The following CACHD1 variants were observed in gnomAD, a reference collection of about 807,000 sequenced individuals.
The protein encoded by CACHD1 is VWFA and cache domain-containing protein 1.
A neutral mutation model predicts 138.7 loss-of-function variants in CACHD1; 71 were observed. That is an observed-to-expected ratio of 0.51 (90% confidence interval 0.42 to 0.62). CACHD1 has a LOEUF of 0.62. Ranked by LOEUF, CACHD1 falls within the 20% of genes least tolerant of loss-of-function variation. CACHD1 has a pLI of 0.00. For synonymous variants in CACHD1, 578 were observed against 591.5 expected, an observed-to-expected ratio of 0.98 and a Z score of 0.33; for missense variants, 1,389 against 1,625.3, an observed-to-expected ratio of 0.85 and a Z score of 2.50.
intron 4 of CACHD1, among the ~76,000 whole-genome samples, chr1:64,626,003 T>C (rs1648089474): frequency 6.6e-6 from 1 of 152,202 alleles, no homozygotes; most frequent in Non-Finnish European, 1.5e-5. Flanking sequence ...AGTCCCCACA[T>C]AGGCATAACC....
Position 64,476,778 on chromosome 1 carries a change from T to C in CACHD1, c.198+5836T>C, listed in dbSNP as rs577993139. ...CTTATTATGTTTTTCCTGCCAATAG[T>C]ACTTGAGTCTGGAAGGGCTTGGGGG... is the stretch of plus-strand genomic sequence containing the variant. On this transcript the variant is annotated intron_variant, in intron 1 of 26. Transcript: ENST00000651257. Among the ~76,000 whole-genome samples, 89 of 152,322 alleles carry C rather than the reference T, an allele frequency of 5.8e-4. 3 individuals carry two copies. The highest frequency in any genetic ancestry group is 5.8e-3 in the Admixed American group (89 of 15,292).
At position 64,630,806 on chromosome 1, in the gene CACHD1, G is replaced by A. The variant is rs144613746; in HGVS notation, c.644+1325G>A. The stretch of plus-strand genomic sequence containing the variant: ...GCACCTGTGAAGAAAAGTTTAAAAA[G>A]GAAAGTGAAACCTTGTCAAAATCAG... On this transcript the variant is annotated intron_variant, in intron 5 of 26. Coordinates refer to ENST00000651257, the MANE Select transcript of CACHD1 (RefSeq NM_020925.4). 2.2e-3 allele frequency among the ~76,000 whole-genome samples: 334 copies of A among 152,274 alleles called. 2 individuals are homozygous for A. Among genetic ancestry groups the A allele is most frequent in the African/African-American group, 7.5e-3 (312 of 41,548 alleles).
intron 1 of CACHD1, among the ~76,000 whole-genome samples, chr1:64,486,846 A>T (rs1394742032): frequency 6.6e-6 from 1 of 152,200 alleles, no homozygotes; most frequent in African/African-American, 2.4e-5. Context: ...AAACATGTAA[A>T]TGCTAAGTAC....
chr1:64,666,446 T>C (rs1649635584), intron 16 of CACHD1, among the ~76,000 whole-genome samples: 2 of 152,290 alleles, frequency 1.3e-5, no homozygotes, highest in Middle Eastern at 3.4e-3. Flanking sequence ...TGATGATGTT[T>C]ATGAAAAAGA....
At chr1:64,524,575 A>T (rs898630510) in intron 1 of CACHD1, among the ~76,000 whole-genome samples, 40 of 152,320 alleles carry the variant, frequency 2.6e-4, no homozygotes, top group African/African-American at 9.6e-4. Context: ...TTTCAGGTAC[A>T]CTATATTTGC....
intron 10 of CACHD1, among the ~76,000 whole-genome samples, chr1:64,652,620 C>T (rs768155337): frequency 6.6e-6 from 1 of 152,114 alleles, no homozygotes; most frequent in Non-Finnish European, 1.5e-5. Flanking sequence ...AGAAATAATG[C>T]AGCCAACAAG....
At chr1:64,686,904 T>C (rs965136162) in intron 26 of CACHD1, among the ~76,000 whole-genome samples, 16 of 152,328 alleles carry the variant, frequency 1.1e-4, no homozygotes, top group African/African-American at 3.6e-4. Flanking sequence ...AACATTCTCC[T>C]GCAGTTACTC....
At chr1:64,585,805 ATG>A (rs1647046966) in intron 3 of CACHD1, among the ~76,000 whole-genome samples, 1 of 152,172 alleles carries the variant, frequency 6.6e-6, no homozygotes, top group African/African-American at 2.4e-5. Context: ...TTCCAGTGAA[ATG>A]TGTGAAGGAA....
intron 1 of CACHD1, among the ~76,000 whole-genome samples, chr1:64,512,248 G>C (rs1172015509): frequency 3.9e-5 from 6 of 152,022 alleles, no homozygotes; most frequent in Non-Finnish European, 7.4e-5. Flanking sequence ...AGAAAAATTA[G>C]CTGGTCATGG....
chr1:64,534,754 C>G (rs1646618541), intron 1 of CACHD1, among the ~76,000 whole-genome samples: 1 of 152,216 alleles, frequency 6.6e-6, no homozygotes, highest in Non-Finnish European at 1.5e-5. Flanking sequence ...CCATGACTGG[C>G]AAGTGAGCAT....
chr1:64,638,772 C>G (rs1045877969), intron 7 of CACHD1, among the ~76,000 whole-genome samples: 2 of 152,180 alleles, frequency 1.3e-5, no homozygotes, highest in South Asian at 4.2e-4. Flanking sequence ...TACCCCAAGT[C>G]CCTGTAATTG....
intron 15 of CACHD1, 73 bp from the exon 16 acceptor site, chr1:64,665,984 G>A (rs554829841): frequency 3.8e-5 from 32 of 837,780 alleles, no homozygotes; most frequent in South Asian, 2.0e-4. Context: ...CAGCCTGGGC[G>A]ACAGAGCAAG....
intron 1 of CACHD1, among the ~76,000 whole-genome samples, chr1:64,533,878 G>A (rs894731478): frequency 4.0e-5 from 6 of 150,428 alleles, no homozygotes; most frequent in Admixed American, 1.3e-4. Flanking sequence ...TCAGCCTCCT[G>A]AGTAGCTGGG....
intron 12 of CACHD1, among the ~76,000 whole-genome samples, 156 bp from the exon 13 acceptor site, chr1:64,658,549 C>A (rs528014420): frequency 5.9e-5 from 9 of 152,310 alleles, no homozygotes; most frequent in Non-Finnish European, 4.4e-5. Flanking sequence ...CCTTCTATCA[C>A]CCTATCCTCA....
At chr1:64,531,390 A>G (rs535884374) in intron 1 of CACHD1, among the ~76,000 whole-genome samples, 6 of 152,200 alleles carry the variant, frequency 3.9e-5, no homozygotes, top group Admixed American at 1.3e-4. Flanking sequence ...GAAGGGAGAA[A>G]TCCCAGCAAA....
intron 3 of CACHD1, among the ~76,000 whole-genome samples, chr1:64,600,689 T>A (rs1647203421): frequency 6.6e-6 from 1 of 152,176 alleles, no homozygotes. Flanking sequence ...TGGAATCTGA[T>A]CTATAAAAAA....
At chr1:64,549,484 C>T (rs934061158) in intron 1 of CACHD1, among the ~76,000 whole-genome samples, 3 of 152,138 alleles carry the variant, frequency 2.0e-5, no homozygotes, top group African/African-American at 7.2e-5. Flanking sequence ...TTGTTTGCTT[C>T]CCTCCATCCT....
chr1:64,657,243 G>A (rs1028235959), intron 12 of CACHD1, among the ~76,000 whole-genome samples: 2 of 152,126 alleles, frequency 1.3e-5, no homozygotes, highest in African/African-American at 2.4e-5. Flanking sequence ...CCCATAGAGA[G>A]CCCTTCTAGA....
At chr1:64,555,357 CAT>C (rs1646789699) in intron 2 of CACHD1, among the ~76,000 whole-genome samples, 1 of 152,082 alleles carries the variant, frequency 6.6e-6, no homozygotes, top group Non-Finnish European at 1.5e-5. Flanking sequence ...GATCTTTAGA[CAT>C]AAAGATATTC....
Sources: allele counts gnomAD v4.1 joint callset (sites outside exome capture counted in the v4.1 genomes callset), GRCh38; gene constraint gnomAD v4.1.1; transcripts MANE v1.5; gene names NCBI Gene and HGNC (gene_info 2026-07-23, HGNC 2026-07-21).